Variants in NEURL1 observed in about 807,000 individuals in gnomAD.
NEURL1 encodes neuralized E3 ubiquitin protein ligase 1.
In NEURL1, 26 loss-of-function variants were observed where a neutral mutation model predicts 41.2. That is an observed-to-expected ratio of 0.63 (90% CI 0.46 to 0.87). The LOEUF is 0.87. Ranked by LOEUF, NEURL1 falls within the 40% of genes least tolerant of loss-of-function variation. The probability of loss-of-function intolerance (pLI) is 0.00; values close to 1 mark genes in which losing one functional copy is unlikely to be tolerated. For missense variants in NEURL1, 761 were observed against 871.1 expected (o/e 0.87, Z 1.59); for synonymous variants, 400 against 402.3 (o/e 0.99, Z 0.07).
chr10:103,494,300 C>T lies in NEURL1; in HGVS notation c.-88C>T, dbSNP rs1040510648. The stretch of plus-strand genomic sequence containing the variant: ...AGGGCCCTCCCCCGGTGGCGCGCAC[C>T]CGCGCGCGCACACTCGCACACCGCA... On this transcript the variant is annotated 5_prime_UTR_variant, in exon 1 of 6. Coordinates refer to ENST00000369780, the MANE Select transcript of NEURL1 (RefSeq NM_004210.5). The T allele has an allele frequency of 5.4e-6, 6 of 1,119,026 alleles. No individual in the cohort carries two copies. Among genetic ancestry groups the T allele is most frequent in the South Asian group, 3.1e-5 (2 of 64,790 alleles). The allele number at this position is 1,119,026 out of a possible 1,614,324, so 69.3% of individuals were successfully genotyped here. A position where few individuals can be genotyped will look rare whatever the true frequency, so the allele number is the denominator to read the frequency against.
chr10:103,571,912 G>A (rs1342444988), intron 3 of NEURL1, 90 bp downstream of exon 3: 34 of 1,278,676 alleles, frequency 2.7e-5, no homozygotes, highest in South Asian at 8.8e-5. Flanking sequence ...CCCATCAGGC[G>A]TAGGGACCCC....
chr10:103,554,204 C>T (rs1419318911), intron 1 of NEURL1, among the ~76,000 whole-genome samples: 1 of 152,230 alleles, frequency 6.6e-6, no homozygotes, highest in Non-Finnish European at 1.5e-5. Flanking sequence ...CCCTCTGTTC[C>T]CACCTTTCCC....
chr10:103,499,031 C>T lies in NEURL1; in HGVS notation c.85+4559C>T, dbSNP rs573387640. On this transcript the variant is annotated intron_variant, in intron 1 of 5. Coordinates refer to ENST00000369780, the MANE Select transcript of NEURL1 (RefSeq NM_004210.5). Reference sequence around the variant, plus strand: ...AAGTCTTTGTTTGAACACCTGTTTTCGGTTCTTCTGGGTATACACCTAAGA... The same window carrying T: ...AAGTCTTTGTTTGAACACCTGTTTTTGGTTCTTCTGGGTATACACCTAAGA... Among the ~76,000 whole-genome samples the T allele has an allele frequency of 7.2e-5, 11 of 152,316 alleles. No homozygotes were observed. The South Asian group carries it at 1.0e-3, about 14-fold the overall frequency.
chr10:103,590,612 C>G lies in NEURL1; in HGVS notation c.*240C>G. On this transcript the variant is annotated 3_prime_UTR_variant, in exon 6 of 6. Coordinates refer to ENST00000369780, the MANE Select transcript of NEURL1 (RefSeq NM_004210.5). ...AGAGGAGGCCGCACTCTCCCTGTCT[C>G]TCCCGTCTCTGCACCCAGCTCCTCT... The G allele has an allele frequency of 1.8e-6, 1 of 559,700 alleles. No individual in the cohort carries two copies. The highest frequency in any genetic ancestry group is 3.2e-6 in the Non-Finnish European group (1 of 312,122). The allele number at this position is 559,700 out of a possible 1,614,324, so 34.7% of individuals were successfully genotyped here.
intron 1 of NEURL1, among the ~76,000 whole-genome samples, chr10:103,557,218 A>C (rs934392137): frequency 6.6e-6 from 1 of 152,152 alleles, no homozygotes; most frequent in African/African-American, 2.4e-5. Context: ...GCTTGAGCCC[A>C]GGAGTTCGAG....
intron 3 of NEURL1, among the ~76,000 whole-genome samples, chr10:103,578,875 G>T (rs985545554): frequency 5.9e-5 from 9 of 152,232 alleles, no homozygotes; most frequent in Admixed American, 5.9e-4. Flanking sequence ...ATGCGGACCA[G>T]CAGGAGGATG....
chr10:103,533,504 G>C (rs2034618226), intron 1 of NEURL1, among the ~76,000 whole-genome samples: 1 of 151,044 alleles, frequency 6.6e-6, no homozygotes, highest in Non-Finnish European at 1.5e-5. Flanking sequence ...TGAGTAGCTG[G>C]GATTACAGGC....
At chr10:103,525,085 T>G (rs2034433447) in intron 1 of NEURL1, among the ~76,000 whole-genome samples, 1 of 152,158 alleles carries the variant, frequency 6.6e-6, no homozygotes, top group African/African-American at 2.4e-5. Flanking sequence ...TCTTTCAGTT[T>G]TTTTATGTCC....
In NEURL1 at chr10:103,589,610, A is replaced by T. The variant is rs1297892369; in HGVS notation, c.1436A>T (p.Asp479Val). The change falls in exon 5 of 6, where the codon GAC becomes GTC. Residue 479 changes from aspartate (D) to valine (V), a missense_variant. Physicochemically the swap from Asp to Val is radical, Grantham distance 152. Around this residue, in one of 5 missense-constraint regions of NEURL1, gnomAD observed 443 missense variants for 408.1 expected, o/e 1.09. Transcript: ENST00000369780. ...AGTGCCCTGGGCAGCCGCCTGTCTGACCCCTTGCTCAGCACGTGCAGCTCT... is the reference window on the plus strand; with the variant it reads ...AGTGCCCTGGGCAGCCGCCTGTCTGTCCCCTTGCTCAGCACGTGCAGCTCT... ...SPSALGSRLS[D>V]PLLSTCSSGP... The T allele has an allele frequency of 2.5e-6, 4 of 1,613,568 alleles. No individual in the cohort carries two copies. The highest frequency in any genetic ancestry group is 3.4e-6 in the Non-Finnish European group (4 of 1,179,760).
At position 103,513,850 on chromosome 10, in the gene NEURL1, T is replaced by C. The variant is rs183983294; in HGVS notation, c.85+19378T>C. Among the ~76,000 whole-genome samples, 48 of 151,452 alleles carry C rather than the reference T, an allele frequency of 3.2e-4. No homozygotes were observed. In the East Asian group the frequency reaches 7.1e-3, roughly 22 times the overall value. On this transcript the variant is annotated intron_variant, in intron 1 of 5. Coordinates refer to ENST00000369780, the MANE Select transcript of NEURL1 (RefSeq NM_004210.5). ...ATCCCCCAAGGCCTCTGGGGCAGGC[T>C]AGTGTGAGGCCTGGGGCAGTGAGGC...
intron 1 of NEURL1, among the ~76,000 whole-genome samples, chr10:103,537,347 A>G (rs1250886681): frequency 1.3e-5 from 2 of 152,122 alleles, no homozygotes; most frequent in African/African-American, 2.4e-5. Context: ...GAACTGATTC[A>G]TCTTAGTTTT....
At chr10:103,531,212 C>T (rs530484094) in intron 1 of NEURL1, among the ~76,000 whole-genome samples, 13 of 151,484 alleles carry the variant, frequency 8.6e-5, no homozygotes, top group Admixed American at 3.3e-4. Flanking sequence ...AAAGCAAGAC[C>T]CTGTCTCAAA....
intron 1 of NEURL1, among the ~76,000 whole-genome samples, chr10:103,568,548 G>C (rs912091126): frequency 6.6e-6 from 1 of 152,192 alleles, no homozygotes; most frequent in African/African-American, 2.4e-5. Flanking sequence ...AAACTGCTTC[G>C]TGGAGGTGTA....
chr10:103,552,295 C>T (rs550350767), intron 1 of NEURL1, among the ~76,000 whole-genome samples: 4 of 152,314 alleles, frequency 2.6e-5, no homozygotes, highest in Admixed American at 6.5e-5. Flanking sequence ...CCAGAGTCTT[C>T]GCCCTTCTCC....
At chr10:103,495,527 A>G (rs1161883755) in intron 1 of NEURL1, among the ~76,000 whole-genome samples, 1 of 152,226 alleles carries the variant, frequency 6.6e-6, no homozygotes, top group African/African-American at 2.4e-5. Flanking sequence ...CCCATTTTAC[A>G]GATGAGGAGA....
chr10:103,582,083 C>G (rs1212242242), intron 3 of NEURL1, among the ~76,000 whole-genome samples: 1 of 152,130 alleles, frequency 6.6e-6, no homozygotes, highest in Non-Finnish European at 1.5e-5. Flanking sequence ...GAGCTCTGGA[C>G]TGATTGTCCT....
intron 1 of NEURL1, among the ~76,000 whole-genome samples, chr10:103,533,523 C>T (rs118069865): frequency 0.074 from 11,142 of 149,966 alleles, 614 homozygotes; most frequent in Non-Finnish European, 0.11. Flanking sequence ...GCATAAGCCA[C>T]GATGCCGGAC....
At position 103,584,678 on chromosome 10, in the gene NEURL1, G is replaced by C. The variant is rs1459711962; in HGVS notation, c.792G>C (p.Glu264Asp). ...ACGTGCCGGGCGCGGACGGCGACGA[G>C]GCCGCGCCGGCCGCCGGCTGCCCCA... ...DLNVPGADGD[E>D]AAPAAGCPIP... Residue 264 changes from glutamate (E) to aspartate (D), a missense_variant, in exon 4 of 6, where the codon GAG becomes GAC. Glu to Asp is a conservative substitution (Grantham distance 45, BLOSUM62 2). Coordinates refer to ENST00000369780, the MANE Select transcript of NEURL1 (RefSeq NM_004210.5). 1.4e-6 allele frequency: 2 copies of C among 1,429,754 alleles called. No homozygotes were observed. The highest frequency in any genetic ancestry group is 1.8e-6 in the Non-Finnish European group (2 of 1,097,832). The allele number at this position is 1,429,754 out of a possible 1,614,324, so 88.6% of individuals were successfully genotyped here.
chr10:103,580,826 A>G (rs1016223539), intron 3 of NEURL1, among the ~76,000 whole-genome samples: 5 of 152,190 alleles, frequency 3.3e-5, no homozygotes, highest in South Asian at 2.1e-4. Flanking sequence ...AAGCAAGGCT[A>G]AAGGGATCCT....
Sources: allele counts gnomAD v4.1 joint callset (sites outside exome capture counted in the v4.1 genomes callset), GRCh38; gene constraint gnomAD v4.1.1; regional missense constraint gnomAD v4.1.1; transcripts MANE v1.5; gene names NCBI Gene and HGNC (gene_info 2026-07-23, HGNC 2026-07-21).